Variants in RUBCN observed in about 807,000 individuals in gnomAD.
The protein encoded by RUBCN is run domain Beclin-1-interacting and cysteine-rich domain-containing protein.
RUBCN carries 74 observed loss-of-function variants against 113.2 expected under a neutral mutation model. That is an observed-to-expected ratio of 0.65 (90% CI 0.54 to 0.79). The LOEUF (loss-of-function observed/expected upper bound fraction) is 0.79, where lower values mean the gene tolerates loss of function less well. Among genes scored for constraint, RUBCN ranks in the 30% least tolerant of loss-of-function variants. The pLI, the probability that RUBCN is intolerant of heterozygous loss-of-function variation, is 0.00. For missense variants in RUBCN, 1,109 were observed against 1,251.7 expected (o/e 0.89, Z 1.72); for synonymous variants, 480 against 490.0 (o/e 0.98, Z 0.27).
intron 11 of RUBCN, among the ~76,000 whole-genome samples, chr3:197,687,365 CTCA>C (rs1452729433): frequency 6.6e-6 from 1 of 152,260 alleles, no homozygotes; most frequent in Admixed American, 6.5e-5. Context: ...GAAAGTATAG[CTCA>C]TCAACGTTCC....
chr3:197,723,471 C>A (rs542010393), intron 1 of RUBCN, among the ~76,000 whole-genome samples: 3 of 152,278 alleles, frequency 2.0e-5, no homozygotes, highest in Non-Finnish European at 4.4e-5. Flanking sequence ...CAGGTGTGAG[C>A]CACCATGCCA....
intron 1 of RUBCN, among the ~76,000 whole-genome samples, chr3:197,728,049 C>G (rs1166676099): frequency 6.6e-6 from 1 of 152,234 alleles, no homozygotes; most frequent in African/African-American, 2.4e-5. Flanking sequence ...CTGACCTATG[C>G]TGGGCACAGT....
chr3:197,681,112 C>T lies in RUBCN; in HGVS notation c.2430+17G>A. The T allele has an allele frequency of 6.3e-7, 1 of 1,581,208 alleles. No homozygotes were observed. Among genetic ancestry groups the T allele is most frequent in the Non-Finnish European group, 8.7e-7 (1 of 1,151,140 alleles). ...GAGAAGGGCAAGACTCTAAGGTGGC[C>T]TTTTCCAAGGTCTTACCCGGACTTG... On this transcript the variant is annotated intron_variant, in intron 16 of 19. Coordinates refer to ENST00000296343, the MANE Select transcript of RUBCN (RefSeq NM_014687.4). This position sits in a 1 kb window ranked among gnomAD's most constrained non-coding sequence, Gnocchi z 5.5.
At chr3:197,735,306 G>A (rs1304006033) in intron 1 of RUBCN, among the ~76,000 whole-genome samples, 1 of 152,240 alleles carries the variant, frequency 6.6e-6, no homozygotes, top group African/African-American at 2.4e-5. Flanking sequence ...AGCTGAGCTA[G>A]TATAATCGCT....
At chr3:197,682,071 A>G (rs1358240458) in intron 14 of RUBCN, among the ~76,000 whole-genome samples, 172 bp from the exon 15 acceptor site, 2 of 152,162 alleles carry the variant, frequency 1.3e-5, no homozygotes, top group East Asian at 3.9e-4. Context: ...AACTCCATAT[A>G]AGATTTAGGT....
At chr3:197,740,153 A>C (rs139159069), upstream of RUBCN, among the ~76,000 whole-genome samples, 34 of 152,320 alleles carry the variant, frequency 2.2e-4, no homozygotes, top group Middle Eastern at 3.4e-3. Flanking sequence ...TAAAGCCATT[A>C]ATAAACATGA....
rs937956307 is a variant in RUBCN at position 197,670,182 on chromosome 3, C to T, written c.*4836G>A. ...GATTACAGGCGTGAGCCACTGTGTG[C>T]GGCTCACTATCATAATTTTTATAAC... is the stretch of plus-strand genomic sequence containing the variant. On this transcript the variant is annotated 3_prime_UTR_variant, in exon 20 of 20. Transcript: ENST00000296343. Among the ~76,000 whole-genome samples, 1 of 152,200 alleles carries T rather than the reference C, an allele frequency of 6.6e-6. No individual in the cohort carries two copies. Among genetic ancestry groups the T allele is most frequent in the Non-Finnish European group, 1.5e-5 (1 of 68,032 alleles).
intron 4 of RUBCN, 92 bp from the exon 5 acceptor site, chr3:197,703,746 T>C (rs1723968357): frequency 1.3e-6 from 1 of 789,182 alleles, no homozygotes; most frequent in Non-Finnish European, 2.2e-6. Context: ...TAAGGATGAA[T>C]GAGGAGGAGG....
At chr3:197,705,284 A>G in intron 2 of RUBCN, 109 bp from the exon 3 acceptor site, 1 of 959,824 alleles carries the variant, frequency 1.0e-6, no homozygotes, top group Non-Finnish European at 1.6e-6. Flanking sequence ...CCCTTGCCTC[A>G]TCAAAGGTTC....
rs1278414073 is a variant in RUBCN at position 197,672,280 on chromosome 3, T to A, written c.*2738A>T. On this transcript the variant is annotated 3_prime_UTR_variant, in exon 20 of 20. Transcript: ENST00000296343. Reference sequence around the variant, plus strand: ...CTATGTTTTTTTTCTTTCCCTTTACTTACAGAAAGAACACTATCACCTGCC... The same window carrying A: ...CTATGTTTTTTTTCTTTCCCTTTACATACAGAAAGAACACTATCACCTGCC... 2 of 152,200 alleles carry A rather than the reference T, an allele frequency of 1.3e-5. No homozygotes were observed. The highest frequency in any genetic ancestry group is 3.8e-4 in the East Asian group (2 of 5,200). 9.4% of individuals were successfully genotyped at this position (152,200 alleles called of 1,614,324 possible).
chr3:197,705,170 G>A lies in RUBCN; in HGVS notation c.225C>T (p.Cys75=). 6.2e-7 allele frequency: 1 copy of A among 1,613,712 alleles called. No individual in the cohort carries two copies. Among genetic ancestry groups the A allele is most frequent in the Non-Finnish European group, 8.5e-7 (1 of 1,179,630 alleles). ...ACTGCCAGTAATCCGTCTGGCGGCG[G>A]CACGCCTGCAAAGGGAACACATACA... ...LYHGLIRDQA[C]RRQTDYWQFV... Residue 75 remains cysteine, a synonymous_variant, in exon 3 of 20, where the codon TGC becomes TGT. Coordinates refer to ENST00000296343, the MANE Select transcript of RUBCN (RefSeq NM_014687.4).
At position 197,670,435 on chromosome 3, in the gene RUBCN, T is replaced by C. The variant is rs1288043319; in HGVS notation, c.*4583A>G. ...TGTGAATCAATGGTCCTTGTTTTCCTCTTCAACAGTCTTTCCAATTTTGGA... is the reference window on the plus strand; with the variant it reads ...TGTGAATCAATGGTCCTTGTTTTCCCCTTCAACAGTCTTTCCAATTTTGGA... On this transcript the variant is annotated 3_prime_UTR_variant, in exon 20 of 20. Transcript: ENST00000296343. Among the ~76,000 whole-genome samples the C allele has an allele frequency of 2.0e-5, 3 of 152,244 alleles. No homozygotes were observed. Among genetic ancestry groups the C allele is most frequent in the African/African-American group, 7.2e-5 (3 of 41,452 alleles).
At chr3:197,676,470 T>C (rs1234917222) in intron 18 of RUBCN, 3 of 615,784 alleles carry the variant, frequency 4.9e-6, no homozygotes, top group South Asian at 7.9e-5. Flanking sequence ...CCCGCCATCA[T>C]GCCCGGCTAA....
chr3:197,739,579 C>A (rs1252957803), upstream of RUBCN, among the ~76,000 whole-genome samples: 1 of 151,800 alleles, frequency 6.6e-6, no homozygotes, highest in Admixed American at 6.6e-5. Context: ...GCCTGTAGTC[C>A]CAGCTACTCC....
intron 1 of RUBCN, among the ~76,000 whole-genome samples, chr3:197,743,998 A>G (rs960055119): frequency 4.0e-5 from 6 of 151,740 alleles, no homozygotes; most frequent in Non-Finnish European, 5.9e-5. Flanking sequence ...ATAAATAAAT[A>G]AAAAATAACT....
chr3:197,701,970 G>A, intron 5 of RUBCN, 106 bp from the exon 6 acceptor site: 1 of 1,028,918 alleles, frequency 9.7e-7, no homozygotes, highest in Non-Finnish European at 1.5e-6. Flanking sequence ...TACCTTTGCA[G>A]TAGGCCTGGA....
At chr3:197,697,082 C>G (rs571514723) in intron 7 of RUBCN, 33 bp from the exon 8 acceptor site, 3 of 1,083,676 alleles carry the variant, frequency 2.8e-6, no homozygotes, top group Non-Finnish European at 4.3e-6. Flanking sequence ...AGTAAAAACA[C>G]ATACGAAATG....
intron 9 of RUBCN, among the ~76,000 whole-genome samples, chr3:197,694,896 A>C (rs1560425723): frequency 6.6e-6 from 1 of 152,186 alleles, no homozygotes; most frequent in African/African-American, 2.4e-5. Context: ...ATTAAGATAA[A>C]TGCTATGTCT....
At chr3:197,749,682 C>T (rs1327141902) in exon 1 of RUBCN, 1 of 687,612 alleles carries the variant, frequency 1.5e-6, no homozygotes, top group South Asian at 1.5e-5. Context: ...CCAGTTTGGG[C>T]GGAAAGTCGA....
Sources: allele counts gnomAD v4.1 joint callset (sites outside exome capture counted in the v4.1 genomes callset), GRCh38; gene constraint gnomAD v4.1.1; non-coding constraint Gnocchi (gnomAD v3.1); transcripts MANE v1.5; gene names NCBI Gene and HGNC (gene_info 2026-07-23, HGNC 2026-07-21).